Variants in SYN2 observed in about 807,000 individuals in gnomAD.
SYN2 encodes the protein synapsin II, also known as synapsin-2.
Under a neutral mutation model 50.9 loss-of-function variants are expected in SYN2, and 19 were observed. The ratio of observed to expected loss-of-function variants is 0.37; its 90% CI spans 0.26 to 0.55. The LOEUF (loss-of-function observed/expected upper bound fraction) is 0.55, where lower values mean the gene tolerates loss of function less well. SYN2 is among the 20% of genes least tolerant of loss of function. The probability of loss-of-function intolerance (pLI) is 0.81; values close to 1 mark genes in which losing one functional copy is unlikely to be tolerated. For synonymous variants in SYN2, 255 were observed against 224.9 expected (o/e 1.13, Z -1.20); for missense variants, 587 against 576.4 (o/e 1.02, Z -0.19).
intron 1 of SYN2, among the ~76,000 whole-genome samples, chr3:12,099,143 A>G (rs906681658): frequency 1.3e-5 from 2 of 152,166 alleles, no homozygotes; most frequent in African/African-American, 4.8e-5. Context: ...TTCACCTTCA[A>G]TTATGGATAG....
In SYN2 at chr3:12,154,371, T is replaced by C. The variant is rs754275095; in HGVS notation, c.774+3045T>C. 1.2e-4 allele frequency: 201 copies of C among 1,614,092 alleles called. No individual in the cohort carries two copies. Among genetic ancestry groups the C allele is most frequent in the Non-Finnish European group, 1.5e-4 (181 of 1,180,042 alleles). ...TGGTAGTGATGATTCAGACTTTCCC[T>C]CTGCACCAAGGACAGGTCCTCCCAG... On this transcript the variant is annotated intron_variant, in intron 5 of 12. Coordinates refer to ENST00000621198, the MANE Select transcript of SYN2 (RefSeq NM_133625.6).
intron 1 of SYN2, among the ~76,000 whole-genome samples, chr3:12,076,806 T>C (rs1284651603): frequency 6.6e-6 from 1 of 152,148 alleles, no homozygotes; most frequent in Non-Finnish European, 1.5e-5. Flanking sequence ...TGAAACTGTT[T>C]CTGGAAACAA....
rs955277964 is a variant in SYN2 at position 12,145,548 on chromosome 3, G to A, written c.528-131G>A. 9.4e-6 allele frequency: 10 copies of A among 1,065,260 alleles called. No homozygotes were observed. The African/African-American group carries it at 1.4e-4, about 15-fold the overall frequency. 66.0% of individuals were successfully genotyped at this position (1,065,260 alleles called of 1,614,324 possible). ...AAGACCTGTCTCTAAAATAACAACA[G>A]TAAAATGAGGGGCTTGGACTAGGTG... On this transcript the variant is annotated intron_variant, in intron 3 of 12. Transcript: ENST00000621198.
chr3:12,030,797 CT>C (rs1433253835), intron 1 of SYN2, among the ~76,000 whole-genome samples: 3 of 96,176 alleles, frequency 3.1e-5, no homozygotes, highest in Non-Finnish European at 2.1e-5. Context: ...TGCTAGCGGT[CT>C]ATCAATTTTG....
At chr3:12,188,007 G>A (rs536268676) in intron 12 of SYN2, among the ~76,000 whole-genome samples, 1 of 36,060 alleles carries the variant, frequency 2.8e-5, no homozygotes, top group South Asian at 1.8e-3. Context: ...CCTTTTCTTT[G>A]TGTGTGTTTC....
intron 1 of SYN2, among the ~76,000 whole-genome samples, chr3:12,100,318 G>A (rs1421360785): frequency 6.6e-6 from 1 of 152,138 alleles, no homozygotes; most frequent in Admixed American, 6.6e-5. Context: ...AGAATTGACA[G>A]TCCAGAAATA....
intron 10 of SYN2, among the ~76,000 whole-genome samples, chr3:12,171,141 T>C (rs567428835): frequency 6.6e-6 from 1 of 152,320 alleles, no homozygotes; most frequent in Admixed American, 6.5e-5. Context: ...ATATTAGCTC[T>C]TATGAGTGTT....
intron 10 of SYN2, among the ~76,000 whole-genome samples, chr3:12,179,821 A>G (rs1304807463): frequency 6.6e-6 from 1 of 152,202 alleles, no homozygotes; most frequent in East Asian, 1.9e-4. Flanking sequence ...CAGTGGTCCT[A>G]TCACTTCCCC....
intron 1 of SYN2, among the ~76,000 whole-genome samples, chr3:12,040,439 T>C (rs1438223621): frequency 6.7e-6 from 1 of 148,936 alleles, no homozygotes; most frequent in South Asian, 2.2e-4. Context: ...TCTTTTTTTT[T>C]TTTTTTTTTT....
intron 1 of SYN2, among the ~76,000 whole-genome samples, chr3:12,090,322 A>C (rs758799160): frequency 1.3e-5 from 2 of 152,170 alleles, no homozygotes; most frequent in African/African-American, 2.4e-5. Flanking sequence ...CTCTGACTTT[A>C]TGAATGTATA....
At chr3:12,157,911 A>G (rs1309696706) in intron 5 of SYN2, among the ~76,000 whole-genome samples, 1 of 152,176 alleles carries the variant, frequency 6.6e-6, no homozygotes, top group African/African-American at 2.4e-5. Flanking sequence ...TTGAATTCAT[A>G]AATGTTCTGA....
At chr3:12,038,497 A>C (rs1694548670) in intron 1 of SYN2, among the ~76,000 whole-genome samples, 1 of 152,144 alleles carries the variant, frequency 6.6e-6, no homozygotes, top group Non-Finnish European at 1.5e-5. Flanking sequence ...TTTAATTGAT[A>C]GATTAATTTG....
At chr3:12,143,125 G>T (rs1315518082) in intron 3 of SYN2, among the ~76,000 whole-genome samples, 1 of 152,136 alleles carries the variant, frequency 6.6e-6, no homozygotes, top group African/African-American at 2.4e-5. Context: ...GGCCCTTCTG[G>T]GTACCAGGGT....
intron 1 of SYN2, among the ~76,000 whole-genome samples, chr3:12,084,530 G>C (rs1030074052): frequency 1.3e-5 from 2 of 152,104 alleles, no homozygotes; most frequent in Admixed American, 6.5e-5. Context: ...GCTAAAGGGA[G>C]TCCTTCAAGC....
At chr3:12,060,348 A>G (rs1159863364) in intron 1 of SYN2, among the ~76,000 whole-genome samples, 1 of 152,130 alleles carries the variant, frequency 6.6e-6, no homozygotes. Flanking sequence ...CCTTCTCCAT[A>G]ACAAAGACCT....
At position 12,183,449 on chromosome 3, in the gene SYN2, G is replaced by C. The variant is rs778632244; in HGVS notation, c.1369+77G>C. ...AAGTCCAAGCTTCTTAAAATGATTG[G>C]TGGTTAATTTTTCAAAGCAGAAATT... is the stretch of plus-strand genomic sequence containing the variant. On this transcript the variant is annotated intron_variant, in intron 11 of 12. Transcript: ENST00000621198. The C allele has an allele frequency of 5.0e-6, 8 of 1,609,684 alleles. No individual in the cohort carries two copies. The South Asian group carries it at 8.9e-5, about 18-fold the overall frequency.
intron 1 of SYN2, among the ~76,000 whole-genome samples, chr3:12,040,581 C>T (rs945508525): frequency 3.3e-5 from 5 of 151,778 alleles, no homozygotes; most frequent in Admixed American, 1.3e-4. Flanking sequence ...TACAGACGCC[C>T]GCCACCACAC....
intron 11 of SYN2, chr3:12,184,028 C>T: frequency 1.0e-6 from 1 of 986,080 alleles, no homozygotes; most frequent in Non-Finnish European, 1.2e-6. Flanking sequence ...AGGCATCCAC[C>T]TTTTTCTCCA....
At chr3:12,158,901 C>T (rs1697551727) in intron 5 of SYN2, 4 of 1,458,774 alleles carry the variant, frequency 2.7e-6, no homozygotes, top group East Asian at 2.6e-5. Flanking sequence ...CCCAGCAGGG[C>T]TCCTTCCCAA....
Sources: allele counts gnomAD v4.1 joint callset (sites outside exome capture counted in the v4.1 genomes callset), GRCh38; gene constraint gnomAD v4.1.1; transcripts MANE v1.5; gene names NCBI Gene and HGNC (gene_info 2026-07-23, HGNC 2026-07-21).